CCBE1: variants seen among roughly 807,000 people sequenced by gnomAD.
CCBE1 encodes collagen and calcium binding EGF domains 1.
CCBE1 carries 37 observed loss-of-function variants against 50.0 expected under a neutral mutation model. The observed-to-expected ratio is 0.74, with a 90% CI of 0.57 to 0.97. The LOEUF (loss-of-function observed/expected upper bound fraction) is 0.97. CCBE1 is among the 50% of genes least tolerant of loss of function. The pLI is 0.00. For synonymous variants in CCBE1, 234 were observed against 203.7 expected (o/e 1.15, Z -1.27); for missense variants, 538 against 523.8 (o/e 1.03, Z -0.26).
intron 2 of CCBE1, among the ~76,000 whole-genome samples, chr18:59,602,235 G>T (rs962352390): frequency 1.4e-4 from 22 of 152,096 alleles, no homozygotes; most frequent in African/African-American, 5.1e-4. Flanking sequence ...TGATACAATG[G>T]CAGAGGATAC....
intron 2 of CCBE1, among the ~76,000 whole-genome samples, chr18:59,662,503 C>G (rs894868541): frequency 6.6e-6 from 1 of 152,108 alleles, no homozygotes; most frequent in Non-Finnish European, 1.5e-5. Flanking sequence ...GGAAGGTGAC[C>G]AGAACAGACA....
At chr18:59,574,706 T>C (rs780266562) in intron 2 of CCBE1, among the ~76,000 whole-genome samples, 3 of 152,202 alleles carry the variant, frequency 2.0e-5, no homozygotes, top group Non-Finnish European at 4.4e-5. Flanking sequence ...GGCAAGGTGT[T>C]TAGCTTTGTT....
intron 2 of CCBE1, among the ~76,000 whole-genome samples, chr18:59,644,359 A>G (rs2054028523): frequency 6.6e-6 from 1 of 152,154 alleles, no homozygotes; most frequent in Non-Finnish European, 1.5e-5. Flanking sequence ...AATTTGAGAT[A>G]CACTGGCCTG....
At chr18:59,598,486 A>G (rs943863096) in intron 2 of CCBE1, among the ~76,000 whole-genome samples, 4 of 152,232 alleles carry the variant, frequency 2.6e-5, no homozygotes, top group Non-Finnish European at 5.9e-5. Flanking sequence ...CCAGAATGCC[A>G]GGTTTGAGGA....
At chr18:59,646,151 G>T (rs140868039) in intron 2 of CCBE1, among the ~76,000 whole-genome samples, 93 of 152,284 alleles carry the variant, frequency 6.1e-4, no homozygotes, top group African/African-American at 2.1e-3. Context: ...CAAGTTAGAG[G>T]GTCTCCAGGG....
chr18:59,655,191 C>T (rs1431169036), intron 2 of CCBE1, among the ~76,000 whole-genome samples: 1 of 151,918 alleles, frequency 6.6e-6, no homozygotes, highest in Non-Finnish European at 1.5e-5. Flanking sequence ...AACAAGAGGG[C>T]TTGACTATGA....
intron 2 of CCBE1, among the ~76,000 whole-genome samples, chr18:59,539,888 G>A (rs1006691185): frequency 2.0e-5 from 3 of 152,060 alleles, no homozygotes; most frequent in South Asian, 2.1e-4. Context: ...ACAGAGTCTT[G>A]TTTGCTTTTG....
chr18:59,505,041 G>A (rs1913805489), intron 2 of CCBE1, among the ~76,000 whole-genome samples: 1 of 152,130 alleles, frequency 6.6e-6, no homozygotes, highest in African/African-American at 2.4e-5. Flanking sequence ...CTGCACCCTT[G>A]CTTCCTTACT....
intron 2 of CCBE1, among the ~76,000 whole-genome samples, chr18:59,549,500 ACTC>A (rs1028750032): frequency 1.3e-5 from 2 of 152,112 alleles, no homozygotes; most frequent in African/African-American, 4.8e-5. Flanking sequence ...TTTAAAATAA[ACTC>A]CATCTGGTGC....
intron 5 of CCBE1, among the ~76,000 whole-genome samples, chr18:59,459,828 T>C (rs1366377749): frequency 6.6e-6 from 1 of 152,154 alleles, no homozygotes; most frequent in African/African-American, 2.4e-5. Context: ...CGTCTGGGGA[T>C]GGCAAGGCAA....
At chr18:59,652,184 A>G (rs1041970154) in intron 2 of CCBE1, among the ~76,000 whole-genome samples, 1 of 152,186 alleles carries the variant, frequency 6.6e-6, no homozygotes, top group African/African-American at 2.4e-5. Context: ...GTTACTGCAA[A>G]TGGCAGGATT....
intron 2 of CCBE1, among the ~76,000 whole-genome samples, chr18:59,582,924 C>T (rs1322563166): frequency 6.6e-6 from 1 of 152,130 alleles, no homozygotes; most frequent in Non-Finnish European, 1.5e-5. Flanking sequence ...GCAATCCTTC[C>T]ACCTCTGCCT....
At chr18:59,513,888 G>T (rs551947398) in intron 2 of CCBE1, among the ~76,000 whole-genome samples, 4 of 152,298 alleles carry the variant, frequency 2.6e-5, no homozygotes, top group Non-Finnish European at 5.9e-5. Flanking sequence ...AGCAGGGGGA[G>T]AGAAGACCCC....
chr18:59,678,764 C>G (rs1439092290), intron 2 of CCBE1, among the ~76,000 whole-genome samples: 1 of 152,154 alleles, frequency 6.6e-6, no homozygotes, highest in African/African-American at 2.4e-5. Context: ...AATTCCCGAC[C>G]TCAAGTGATC....
At position 59,489,226 on chromosome 18, in the gene CCBE1, A is replaced by G. The variant is rs191573874; in HGVS notation, c.213-8988T>C. 4.5e-3 allele frequency among the ~76,000 whole-genome samples: 681 copies of G among 152,336 alleles called. 1 individual carries two copies. The highest frequency in any genetic ancestry group is 0.015 in the African/African-American group (629 of 41,572). On this transcript the variant is annotated intron_variant, in intron 2 of 10. Coordinates refer to ENST00000439986, the MANE Select transcript of CCBE1 (RefSeq NM_133459.4). ...AGAACTTATAGATGTCAACAGCAGC[A>G]CACACTACAAGGCTGAGAACATGCT...
chr18:59,650,611 T>C (rs1437435759), intron 2 of CCBE1, among the ~76,000 whole-genome samples: 1 of 151,618 alleles, frequency 6.6e-6, no homozygotes, highest in Non-Finnish European at 1.5e-5. Context: ...TTGTAAAGTA[T>C]TTCTGATGCC....
intron 2 of CCBE1, among the ~76,000 whole-genome samples, chr18:59,485,430 A>G (rs1312193225): frequency 1.3e-5 from 2 of 152,018 alleles, no homozygotes; most frequent in Non-Finnish European, 2.9e-5. Context: ...TTTAAAAATA[A>G]CTTCCTATAG....
At chr18:59,671,211 A>G (rs2054424883) in intron 2 of CCBE1, among the ~76,000 whole-genome samples, 1 of 152,002 alleles carries the variant, frequency 6.6e-6, no homozygotes, top group African/African-American at 2.4e-5. Flanking sequence ...AGAAGTGACC[A>G]GTGGTGCCCA....
intron 2 of CCBE1, among the ~76,000 whole-genome samples, chr18:59,513,039 A>G (rs185019134): frequency 1.3e-5 from 2 of 152,270 alleles, no homozygotes; most frequent in Admixed American, 6.5e-5. Context: ...AGAGCCCAGG[A>G]GCAGTGGCTC....
Sources: gnomAD v4.1 joint callset for allele counts (sites outside exome capture counted in the v4.1 genomes callset) on GRCh38, gnomAD v4.1.1 for gene constraint, MANE v1.5 for transcripts, NCBI Gene and HGNC (gene_info 2026-07-23, HGNC 2026-07-21) for gene names.